DENND6B: variants seen among roughly 807,000 people sequenced by gnomAD.
DENND6B encodes the protein protein DENND6B.
DENND6B carries 73 observed loss-of-function variants against 85.1 expected under a neutral mutation model. The observed-to-expected ratio is 0.86, with a 90% confidence interval of 0.71 to 1.04. The LOEUF is 1.04. DENND6B is among the 50% of genes least tolerant of loss of function. The pLI is 0.00. For synonymous variants in DENND6B, 357 were observed against 329.3 expected, an observed-to-expected ratio of 1.08 and a Z score of -0.91; for missense variants, 715 against 785.8, an observed-to-expected ratio of 0.91 and a Z score of 1.08.
chr22:50,318,559 A>G (rs2147781935), intron 3 of DENND6B, among the ~76,000 whole-genome samples: 1 of 152,282 alleles, frequency 6.6e-6, no homozygotes, highest in Non-Finnish European at 1.5e-5. Flanking sequence ...CTGGGGCAGG[A>G]GCGGGAGGGA....
At position 50,314,394 on chromosome 22, in the gene DENND6B, C is replaced by T. The variant is rs527533419; in HGVS notation, c.1072+6G>A. 1.3e-6 allele frequency: 2 copies of T among 1,562,984 alleles called. No homozygotes were observed. The highest frequency in any genetic ancestry group is 1.7e-6 in the Non-Finnish European group (2 of 1,153,640). ...AGCACCCCCTGCACCTCACCGGGAG[C>T]CTGACCTGACATCTTGGGCTCCCCG... On this transcript the variant is annotated splice_donor_region_variant and intron_variant, in intron 12 of 19. Transcript: ENST00000413817.
rs779706268 is a variant in DENND6B, at chr22:50,316,208, G to A, written c.605C>T (p.Thr202Ile). 8 of 1,611,682 alleles carry A rather than the reference G, an allele frequency of 5.0e-6. No homozygotes were observed. In the South Asian group the frequency reaches 7.7e-5, roughly 15 times the overall value. ...DQWPAPAPGQ[T>I]LNLPVMGVVV... The stretch of plus-strand genomic sequence containing the variant: ...AACGCCCATGACAGGTAGGTTCAGG[G>A]TCTGCCCAGGTGCAGGCGCCGGCCA... The change falls in exon 7 of 20, where the codon ACC (threonine) becomes ATC (isoleucine). Residue 202 changes from threonine to isoleucine, a missense_variant. Thr to Ile is a moderately conservative substitution (Grantham distance 89, BLOSUM62 -1). Coordinates refer to ENST00000413817, the MANE Select transcript of DENND6B (RefSeq NM_001001794.4).
chr22:50,310,543 C>G lies in DENND6B; in HGVS notation c.*1596G>C, dbSNP rs906937293. On this transcript the variant is annotated 3_prime_UTR_variant, in exon 20 of 20. Coordinates refer to ENST00000413817, the MANE Select transcript of DENND6B (RefSeq NM_001001794.4). The stretch of plus-strand genomic sequence containing the variant: ...GCACTGAAGTGGCTGGCAGTGCTCG[C>G]TCTCCACCACCTGGCTGGAGGTCTG... The G allele has an allele frequency of 6.6e-6, 1 of 152,256 alleles. No homozygotes were observed. Among genetic ancestry groups the G allele is most frequent in the South Asian group, 2.1e-4 (1 of 4,832 alleles). The allele number at this position is 152,256 out of a possible 1,614,324, so 9.4% of individuals were successfully genotyped here.
intron 10 of DENND6B, 38 bp downstream of exon 10, chr22:50,314,761 G>A: frequency 1.3e-6 from 2 of 1,582,738 alleles, no homozygotes; most frequent in South Asian, 1.1e-5. Context: ...AGCCGCGATG[G>A]TCCAGCTTCC....
intron 1 of DENND6B, among the ~76,000 whole-genome samples, chr22:50,323,719 G>C (rs2042117990): frequency 1.2e-5 from 1 of 83,140 alleles, no homozygotes; most frequent in Non-Finnish European, 2.2e-5. Context: ...AGCACGCCTA[G>C]CCTTTTTTTT....
At chr22:50,315,921 G>A (rs1057053510) in intron 8 of DENND6B, 104 bp downstream of exon 8, 26 of 1,577,106 alleles carry the variant, frequency 1.6e-5, no homozygotes, top group Middle Eastern at 2.0e-4. Context: ...TGACAACCCC[G>A]CAGGGTGAAC....
intron 1 of DENND6B, among the ~76,000 whole-genome samples, chr22:50,324,206 C>G (rs1287390312): frequency 2.0e-5 from 3 of 152,174 alleles, no homozygotes; most frequent in African/African-American, 4.8e-5. Context: ...AAGCAGGCTG[C>G]ACTGCACTCA....
In DENND6B at chr22:50,315,645, T is replaced by C. The variant is rs73439313; in HGVS notation, c.758+69A>G. ...ACATACTCACACACAGATGCACACA[T>C]GCACGTACATGCACGTGCACACACA... is the stretch of plus-strand genomic sequence containing the variant. On this transcript the variant is annotated intron_variant, in intron 9 of 19. Transcript: ENST00000413817. 5,831 of 1,499,220 alleles carry C rather than the reference T, an allele frequency of 3.9e-3. 196 individuals carry two copies. In the African/African-American group the frequency reaches 0.074, roughly 19 times the overall value. 92.9% of individuals were successfully genotyped at this position (1,499,220 alleles called of 1,614,324 possible). A position where few individuals can be genotyped will look rare whatever the true frequency, so the allele number is the denominator to read the frequency against.
chr22:50,323,984 C>T (rs1208911214), intron 1 of DENND6B, among the ~76,000 whole-genome samples: 4 of 152,178 alleles, frequency 2.6e-5, no homozygotes, highest in South Asian at 2.1e-4. Flanking sequence ...ATCCTCCTGC[C>T]TCGGCCTCCT....
intron 15 of DENND6B, 51 bp downstream of exon 15, chr22:50,313,583 TC>T (rs1190682689): frequency 2.3e-5 from 4 of 175,338 alleles, no homozygotes; most frequent in African/African-American, 4.1e-4. Flanking sequence ...CCCAACCCCA[TC>T]CCCCCAGCCC....
At position 50,315,197 on chromosome 22, in the gene DENND6B, G is replaced by A. The variant is rs114884422; in HGVS notation, c.759-276C>T. The A allele has an allele frequency of 5.5e-3, 2,567 of 468,060 alleles. 18 individuals are homozygous for A. The highest frequency in any genetic ancestry group is 8.1e-3 in the Non-Finnish European group (2,110 of 259,114). 29.0% of individuals were successfully genotyped at this position (468,060 alleles called of 1,614,324 possible). On this transcript the variant is annotated intron_variant, in intron 9 of 19. Coordinates refer to ENST00000413817, the MANE Select transcript of DENND6B (RefSeq NM_001001794.4). ...GCCATCCCGAAGTGGCCCCAAAGCC[G>A]GGGCAGGGTCTGCTGACCTGGGCTG...
chr22:50,321,413 T>C (rs963561461), intron 1 of DENND6B, among the ~76,000 whole-genome samples: 3 of 152,148 alleles, frequency 2.0e-5, no homozygotes, highest in Non-Finnish European at 2.9e-5. Flanking sequence ...CAGGCTGGAG[T>C]GCACTGACGT....
intron 5 of DENND6B, 88 bp from the exon 6 acceptor site, chr22:50,316,563 C>T (rs2041826579): frequency 6.5e-7 from 1 of 1,546,222 alleles, no homozygotes; most frequent in Non-Finnish European, 8.7e-7. Context: ...AAGCCACGCT[C>T]ACCTGGAGCT....
In DENND6B at chr22:50,312,006, C is replaced by G; in HGVS notation, c.*133G>C. The G allele has an allele frequency of 1.4e-6, 2 of 1,398,862 alleles. No homozygotes were observed. Among genetic ancestry groups the G allele is most frequent in the Non-Finnish European group, 1.9e-6 (2 of 1,052,478 alleles). 86.7% of individuals were successfully genotyped at this position (1,398,862 alleles called of 1,614,324 possible). On this transcript the variant is annotated 3_prime_UTR_variant, in exon 20 of 20. Coordinates refer to ENST00000413817, the MANE Select transcript of DENND6B (RefSeq NM_001001794.4). ...CTTTACTGCTGAGACAATGGTGGTG[C>G]AGGAAGGGGAGCCTGCAGTCTGGGC...
rs530987455 is a variant in DENND6B at position 50,317,572 on chromosome 22, C to T, written c.373-199G>A. Among the ~76,000 whole-genome samples the T allele has an allele frequency of 9.9e-5, 15 of 152,262 alleles. No individual in the cohort carries two copies. The South Asian group carries it at 1.9e-3, about 19-fold the overall frequency. ...TCCTGGGCTCAGAAGGTGGGCAACA[C>T]CCCTGCTGATACAGCAGGGAGTCCG... is the stretch of plus-strand genomic sequence containing the variant. On this transcript the variant is annotated intron_variant, in intron 4 of 19. Coordinates refer to ENST00000413817, the MANE Select transcript of DENND6B (RefSeq NM_001001794.4).
chr22:50,320,525 C>G (rs1288748486), intron 1 of DENND6B, among the ~76,000 whole-genome samples: 1 of 152,202 alleles, frequency 6.6e-6, no homozygotes, highest in Non-Finnish European at 1.5e-5. Flanking sequence ...AGAACAGACC[C>G]TCCCCAAATA....
In DENND6B at chr22:50,313,697, C is replaced by T. The variant is rs1346599699; in HGVS notation, c.1231G>A (p.Val411Met). 1.9e-6 allele frequency: 3 copies of T among 1,601,592 alleles called. No individual in the cohort carries two copies. Among genetic ancestry groups the T allele is most frequent in the Non-Finnish European group, 2.6e-6 (3 of 1,175,816 alleles). Reference sequence around the variant, plus strand: ...TGCCGCCGCAGCAGGGCGCTCTGCACATCTGACGGCCGCTTCTTCTGCACG... The same window carrying T: ...TGCCGCCGCAGCAGGGCGCTCTGCATATCTGACGGCCGCTTCTTCTGCACG... ...KGVQKKRPSD[V>M]QSALLRRHLL... Residue 411 changes from valine (V) to methionine (M), a missense_variant, in exon 15 of 20, where the codon GTG (valine) becomes ATG (methionine). By Grantham distance (21) the Val-to-Met change is conservative. Coordinates refer to ENST00000413817, the MANE Select transcript of DENND6B (RefSeq NM_001001794.4).
rs533067826 is a variant in DENND6B, at chr22:50,321,115, C to T, written c.178-2112G>A. On this transcript the variant is annotated intron_variant, in intron 1 of 19. Transcript: ENST00000413817. The stretch of plus-strand genomic sequence containing the variant: ...TCCCTGCTCCTGGTCACCAGTCACC[C>T]GGAGGAAGACTGGGGGTGGGAGCTT... 1.8e-4 allele frequency among the ~76,000 whole-genome samples: 27 copies of T among 152,258 alleles called. 1 individual carries two copies. The South Asian group carries it at 3.1e-3, about 18-fold the overall frequency.
rs1357722296 is a variant in DENND6B at position 50,313,033 on chromosome 22, A to C, written c.1423T>G (p.Cys475Gly). Residue 475 changes from cysteine (C) to glycine (G), a missense_variant, in exon 17 of 20, where the codon TGC (cysteine) becomes GGC (glycine). Coordinates refer to ENST00000413817, the MANE Select transcript of DENND6B (RefSeq NM_001001794.4). ...CCCAGCCAGTCGCCCTTGAGGATGC[A>C]GGTGAGCTGGGGCCCAGCATGCTCC... is the stretch of plus-strand genomic sequence containing the variant. ...SLEHAGPQLT[C>G]ILKGDWLGLY... 5 of 1,562,704 alleles carry C rather than the reference A, an allele frequency of 3.2e-6. No homozygotes were observed. The highest frequency in any genetic ancestry group is 4.3e-6 in the Non-Finnish European group (5 of 1,154,354).
Sources: allele counts gnomAD v4.1 joint callset (sites outside exome capture counted in the v4.1 genomes callset), GRCh38; gene constraint gnomAD v4.1.1; transcripts MANE v1.5; gene names NCBI Gene and HGNC (gene_info 2026-07-23, HGNC 2026-07-21).